The following GPR180 variants were observed in gnomAD, a reference collection of about 807,000 sequenced individuals.
The protein encoded by GPR180 is G protein-coupled receptor 180.
GPR180 carries 53 observed loss-of-function variants against 52.6 expected under a neutral mutation model. The observed-to-expected ratio is 1.01, with a 90% confidence interval of 0.81 to 1.27. GPR180 has a LOEUF of 1.27. Ranked by LOEUF, GPR180 falls within the 50% of genes most tolerant of loss-of-function variation. The pLI, the probability that GPR180 is intolerant of heterozygous loss-of-function variation, is 0.00. For synonymous variants in GPR180, 200 were observed against 193.1 expected, an observed-to-expected ratio of 1.04 and a Z score of -0.30; for missense variants, 533 against 527.0, an observed-to-expected ratio of 1.01 and a Z score of -0.11.
At chr13:94,602,836 T>TA (rs1889578245) in intron 1 of GPR180, among the ~76,000 whole-genome samples, 2 of 152,232 alleles carry the variant, frequency 1.3e-5, no homozygotes, top group South Asian at 4.1e-4. Flanking sequence ...TCTCACAATT[T>TA]AAGTGTTTTT....
chr13:94,602,682 A>T (rs1889575932), intron 1 of GPR180, among the ~76,000 whole-genome samples: 2 of 152,108 alleles, frequency 1.3e-5, no homozygotes, highest in South Asian at 4.1e-4. Flanking sequence ...AGCATCTTGG[A>T]AGCTCCCTAA....
rs1354153642 is a variant in GPR180 at position 94,625,974 on chromosome 13, C to T, written c.1095C>T (p.Ile365=). 4.3e-6 allele frequency: 7 copies of T among 1,611,116 alleles called. No homozygotes were observed. Among genetic ancestry groups the T allele is most frequent in the Non-Finnish European group, 5.9e-6 (7 of 1,178,048 alleles). ...EFYITFAKGC[I]LWFLCHPVLA... ...TTTTTCCTTTGTTTCAGGGCTGTATCTTGTGGTTTTTATGCCATCCAGTTC... is the reference window on the plus strand; with the variant it reads ...TTTTTCCTTTGTTTCAGGGCTGTATTTTGTGGTTTTTATGCCATCCAGTTC... The change falls in exon 8 of 9, where the codon ATC becomes ATT. Residue 365 remains isoleucine, a synonymous_variant. Transcript: ENST00000376958.
chr13:94,616,502 A>G (rs1889780208), intron 3 of GPR180, among the ~76,000 whole-genome samples: 1 of 152,166 alleles, frequency 6.6e-6, no homozygotes, highest in South Asian at 2.1e-4. Flanking sequence ...GGCTAAATTT[A>G]TTGAAGCTGG....
chr13:94,618,419 G>GTTTTTTTTTTTTTTTTTTTT (rs1566980109), intron 3 of GPR180, among the ~76,000 whole-genome samples: 1 of 72,978 alleles, frequency 1.4e-5, no homozygotes, highest in Non-Finnish European at 2.6e-5. Context: ...ATCAGCACAG[G>GTTTTTTTTTTTTTTTTTTTT]ATTTTTTTTT....
At chr13:94,605,168 T>C (rs1317013051) in intron 1 of GPR180, among the ~76,000 whole-genome samples, 2 of 152,224 alleles carry the variant, frequency 1.3e-5, no homozygotes, top group African/African-American at 2.4e-5. Context: ...GAGTGAAATA[T>C]CAGTTATCAG....
chr13:94,602,467 A>G (rs1004306111), intron 1 of GPR180, among the ~76,000 whole-genome samples: 1 of 147,860 alleles, frequency 6.8e-6, no homozygotes, highest in African/African-American at 2.5e-5. Context: ...ATTTAACCCT[A>G]GAAACTTAAA....
At chr13:94,614,291 C>G (rs1261379440) in intron 3 of GPR180, among the ~76,000 whole-genome samples, 1 of 152,230 alleles carries the variant, frequency 6.6e-6, no homozygotes, top group East Asian at 1.9e-4. Context: ...CCTGCTGCCT[C>G]TAGTGGAGTA....
chr13:94,614,867 T>C (rs953410301), intron 3 of GPR180, among the ~76,000 whole-genome samples: 4 of 152,230 alleles, frequency 2.6e-5, no homozygotes, highest in African/African-American at 9.6e-5. Context: ...AAGGCTTACC[T>C]TCGGGGATTA....
At chr13:94,618,420 A>ATTTTTTTTTTTGTTTTTTTTTTTTTTTT (rs1889806512) in intron 3 of GPR180, among the ~76,000 whole-genome samples, 1 of 87,156 alleles carries the variant, frequency 1.1e-5, no homozygotes, top group Non-Finnish European at 2.1e-5. Flanking sequence ...TCAGCACAGG[A>ATTTTTTTTTTTGTTTTTTTTTTTTTTTT]TTTTTTTTTT....
Position 94,630,365 on chromosome 13 carries a change from A to G in GPR180, c.*3194A>G, listed in dbSNP as rs1386687815. The G allele has an allele frequency of 6.6e-6, 1 of 152,240 alleles. No homozygotes were observed. The highest frequency in any genetic ancestry group is 1.5e-5 in the Non-Finnish European group (1 of 68,044). 9.4% of individuals were successfully genotyped at this position (152,240 alleles called of 1,614,324 possible). A position where few individuals can be genotyped will look rare whatever the true frequency, so the allele number is the denominator to read the frequency against. ...GGCCATTCTCCACAGTGTAGCCAAA[A>G]CAATCTCTTAAAAATGGAAATCATC... On this transcript the variant is annotated 3_prime_UTR_variant, in exon 9 of 9. Transcript: ENST00000376958.
At chr13:94,624,351 A>G (rs1162116254) in intron 7 of GPR180, among the ~76,000 whole-genome samples, 2 of 152,144 alleles carry the variant, frequency 1.3e-5, no homozygotes, top group Non-Finnish European at 2.9e-5. Flanking sequence ...CAGCTATGGA[A>G]GGAGAGCCAG....
At position 94,628,765 on chromosome 13, in the gene GPR180, C is replaced by T. The variant is rs1034694728; in HGVS notation, c.*1594C>T. 4 of 152,002 alleles carry T rather than the reference C, an allele frequency of 2.6e-5. No individual in the cohort carries two copies. The highest frequency in any genetic ancestry group is 6.5e-5 in the Admixed American group (1 of 15,268). 9.4% of individuals were successfully genotyped at this position (152,002 alleles called of 1,614,324 possible). A position where few individuals can be genotyped will look rare whatever the true frequency, so the allele number is the denominator to read the frequency against. On this transcript the variant is annotated 3_prime_UTR_variant, in exon 9 of 9. Coordinates refer to ENST00000376958, the MANE Select transcript of GPR180 (RefSeq NM_180989.6). ...GAGTTATGTTTTAGGTATACATGATCGTCTGAGTGGTCATAACCTTTTCTT... is the reference window on the plus strand; with the variant it reads ...GAGTTATGTTTTAGGTATACATGATTGTCTGAGTGGTCATAACCTTTTCTT...
At chr13:94,626,979 T>A (rs748166691) in intron 8 of GPR180, 34 bp from the exon 9 acceptor site, 2 of 1,470,656 alleles carry the variant, frequency 1.4e-6, no homozygotes, top group Admixed American at 4.4e-5. Context: ...TATTTCTGCA[T>A]GTAGTAAAAG....
At chr13:94,618,060 A>G (rs973805581) in intron 3 of GPR180, among the ~76,000 whole-genome samples, 1 of 152,236 alleles carries the variant, frequency 6.6e-6, no homozygotes, top group Admixed American at 6.5e-5. Flanking sequence ...AAAAGCTGCT[A>G]GTAGGCACTA....
intron 3 of GPR180, among the ~76,000 whole-genome samples, chr13:94,616,450 C>G (rs963626868): frequency 2.0e-5 from 3 of 152,164 alleles, no homozygotes; most frequent in African/African-American, 7.2e-5. Context: ...GACCCTTTCC[C>G]CTTAGGCTCT....
In GPR180 at chr13:94,623,341, C is replaced by G. The variant is rs557393829; in HGVS notation, c.1086+41C>G. ...GAAAATCGTTTATTCTGATTATCCACTTGGTTCTGGTTTCTTTGGGAAGTT... is the reference window on the plus strand; with the variant it reads ...GAAAATCGTTTATTCTGATTATCCAGTTGGTTCTGGTTTCTTTGGGAAGTT... On this transcript the variant is annotated intron_variant, in intron 7 of 8. Coordinates refer to ENST00000376958, the MANE Select transcript of GPR180 (RefSeq NM_180989.6). 4.0e-6 allele frequency: 6 copies of G among 1,485,364 alleles called. No individual in the cohort carries two copies. The East Asian group carries it at 9.1e-5, about 22-fold the overall frequency. The allele number at this position is 1,485,364 out of a possible 1,614,324, so 92.0% of individuals were successfully genotyped here. A position where few individuals can be genotyped will look rare whatever the true frequency, so the allele number is the denominator to read the frequency against.
intron 1 of GPR180, 107 bp from the exon 2 acceptor site, chr13:94,605,284 T>C: frequency 1.1e-6 from 1 of 923,958 alleles, no homozygotes; most frequent in Non-Finnish European, 1.7e-6. Flanking sequence ...TTAAGAAGAA[T>C]TGTGCTTTTT....
In GPR180 at chr13:94,626,008, A is replaced by G. The variant is rs1472091730; in HGVS notation, c.1129A>G (p.Ile377Val). ...WFLCHPVLAC[I>V]SVIFSDYQRD... ...TTTATGCCATCCAGTTCTTGCATGC[A>G]TTTCTGTCATTTTTAGCGACTACCA... Residue 377 changes from isoleucine (I) to valine (V), a missense_variant, in exon 8 of 9, where the codon ATT (isoleucine) becomes GTT (valine). Physicochemically the swap from Ile to Val is conservative, Grantham distance 29 (BLOSUM62 3). Transcript: ENST00000376958. The G allele has an allele frequency of 7.4e-6, 12 of 1,611,804 alleles. No homozygotes were observed. The highest frequency in any genetic ancestry group is 9.3e-6 in the Non-Finnish European group (11 of 1,178,536).
Position 94,632,996 on chromosome 13 carries a change from CTTTGTG to C in GPR180, c.*5830_*5835del. 6.6e-6 allele frequency: 1 copy of C among 152,360 alleles called. No individual in the cohort carries two copies. Among genetic ancestry groups the C allele is most frequent in the South Asian group, 2.1e-4 (1 of 4,818 alleles). The allele number at this position is 152,360 out of a possible 1,614,324, so 9.4% of individuals were successfully genotyped here. ...TGACATGTCCCTGAGGGCACAGAAA[CTTTGTG>C]TTTGGGATCCTCTTACACCTTGCTC... On this transcript the variant is annotated 3_prime_UTR_variant, in exon 9 of 9. Transcript: ENST00000376958.
Sources: allele counts gnomAD v4.1 joint callset (sites outside exome capture counted in the v4.1 genomes callset), GRCh38; gene constraint gnomAD v4.1.1; transcripts MANE v1.5; gene names NCBI Gene and HGNC (gene_info 2026-07-23, HGNC 2026-07-21).